GSG1L: variants seen among roughly 807,000 people sequenced by gnomAD.
GSG1L encodes GSG1 like.
In GSG1L, 24 loss-of-function variants were observed where a neutral mutation model predicts 42.1. The observed-to-expected ratio is 0.57, with a 90% CI of 0.41 to 0.80. GSG1L has a LOEUF of 0.80. GSG1L is among the 30% of genes least tolerant of loss of function. The pLI, the probability that GSG1L is intolerant of heterozygous loss-of-function variation, is 0.00. For synonymous variants in GSG1L, 215 were observed against 203.5 expected, an observed-to-expected ratio of 1.06 and a Z score of -0.48; for missense variants, 445 against 472.2, an observed-to-expected ratio of 0.94 and a Z score of 0.53.
chr16:27,863,734 C>T (rs918010226), intron 3 of GSG1L, among the ~76,000 whole-genome samples: 9 of 152,312 alleles, frequency 5.9e-5, no homozygotes, highest in Admixed American at 4.6e-4. Flanking sequence ...GCCCAAGTTC[C>T]TTATACTGGG....
chr16:27,803,808 TAG>T (rs1555500732), intron 6 of GSG1L, among the ~76,000 whole-genome samples: 2 of 143,236 alleles, frequency 1.4e-5, no homozygotes, highest in African/African-American at 5.4e-5. Context: ...TAGATAGATA[TAG>T]ATATAGATAT....
chr16:28,043,291 C>A (rs770685537), intron 1 of GSG1L, among the ~76,000 whole-genome samples: 5 of 152,142 alleles, frequency 3.3e-5, no homozygotes, highest in Non-Finnish European at 5.9e-5. Flanking sequence ...TCTCTCAGGC[C>A]AGGCAAAGGC....
At chr16:27,879,222 T>TAATG in intron 3 of GSG1L, among the ~76,000 whole-genome samples, 1 of 151,478 alleles carries the variant, frequency 6.6e-6, no homozygotes, top group Admixed American at 6.6e-5. Flanking sequence ...TGATTAATGA[T>TAATG]AATGAATGAA....
chr16:27,954,295 T>C (rs2084982650), intron 2 of GSG1L, among the ~76,000 whole-genome samples: 1 of 152,142 alleles, frequency 6.6e-6, no homozygotes, highest in South Asian at 2.1e-4. Context: ...AAAAAAAAGA[T>C]GGCAGCAACA....
intron 4 of GSG1L, among the ~76,000 whole-genome samples, chr16:27,830,618 C>T (rs541049283): frequency 1.8e-4 from 28 of 152,256 alleles, no homozygotes; most frequent in Admixed American, 6.5e-4. Flanking sequence ...GATATCAGCC[C>T]GGCCCCTCTA....
intron 4 of GSG1L, among the ~76,000 whole-genome samples, chr16:27,833,441 T>G (rs1288781780): frequency 6.6e-6 from 1 of 152,190 alleles, no homozygotes; most frequent in African/African-American, 2.4e-5. Context: ...TCATCCTGCC[T>G]TATTCTTCTT....
chr16:27,982,544 T>C (rs1732725846), intron 1 of GSG1L, among the ~76,000 whole-genome samples: 1 of 152,180 alleles, frequency 6.6e-6, no homozygotes, highest in Non-Finnish European at 1.5e-5. Flanking sequence ...AATGGAACAA[T>C]TTGGAAGTTG....
At chr16:27,826,289 T>C (rs114804271) in intron 5 of GSG1L, among the ~76,000 whole-genome samples, 6,658 of 152,182 alleles carry the variant, frequency 0.044, 461 homozygotes, top group African/African-American at 0.15. Context: ...CCTCACCCCA[T>C]GCGCTGCCAT....
chr16:28,023,128 C>A (rs1436153341), intron 1 of GSG1L, among the ~76,000 whole-genome samples: 1 of 152,122 alleles, frequency 6.6e-6, no homozygotes. Flanking sequence ...CACAGCTGGC[C>A]AGTATACATA....
chr16:27,997,539 C>T (rs1314339009), intron 1 of GSG1L, among the ~76,000 whole-genome samples: 3 of 151,814 alleles, frequency 2.0e-5, no homozygotes, highest in African/African-American at 7.3e-5. Context: ...CCAGGATAAC[C>T]TCCCATATCA....
At chr16:27,936,587 C>T (rs558429714) in intron 2 of GSG1L, among the ~76,000 whole-genome samples, 5 of 152,276 alleles carry the variant, frequency 3.3e-5, no homozygotes, top group African/African-American at 1.2e-4. Flanking sequence ...GCCTGCAGAA[C>T]CATGAGCCAA....
chr16:27,958,447 T>C (rs1463061666), intron 2 of GSG1L, among the ~76,000 whole-genome samples: 1 of 150,230 alleles, frequency 6.7e-6, no homozygotes, highest in East Asian at 2.0e-4. Context: ...ACTATATCAG[T>C]CATCATGCGA....
Position 27,828,829 on chromosome 16 carries a change from T to A in GSG1L, c.790A>T (p.Thr264Ser), listed in dbSNP as rs2083243762. ...VFEQGYREEP[T>S]FIDPEAIKYF... ...TTGATGGCCTCAGGGTCTATGAAGG[T>A]CGGCTCTTCCCGGTAGCCCTGCTCA... is the stretch of plus-strand genomic sequence containing the variant. Residue 264 changes from threonine to serine, a missense_variant, in exon 5 of 7, where the codon ACC (threonine) becomes TCC (serine). Thr to Ser is a moderately conservative substitution (Grantham distance 58). Around this residue, in one of 3 missense-constraint regions of GSG1L, gnomAD observed 140 missense variants for 120.6 expected, o/e 1.16. Transcript: ENST00000447459. 7 of 1,614,112 alleles carry A rather than the reference T, an allele frequency of 4.3e-6. No individual in the cohort carries two copies. The highest frequency in any genetic ancestry group is 5.9e-6 in the Non-Finnish European group (7 of 1,179,996).
At chr16:27,971,659 G>A (rs1406162072) in intron 1 of GSG1L, among the ~76,000 whole-genome samples, 1 of 151,866 alleles carries the variant, frequency 6.6e-6, no homozygotes, top group East Asian at 1.9e-4. Flanking sequence ...AATTGCTTTG[G>A]CTAAAATGTC....
chr16:28,028,548 A>C (rs755274815), intron 1 of GSG1L, among the ~76,000 whole-genome samples: 2 of 152,056 alleles, frequency 1.3e-5, no homozygotes, highest in Non-Finnish European at 2.9e-5. Flanking sequence ...CACTCATTGC[A>C]TGGCCAACAG....
chr16:27,951,040 T>C (rs2084945670), intron 2 of GSG1L, among the ~76,000 whole-genome samples: 1 of 152,122 alleles, frequency 6.6e-6, no homozygotes, highest in Non-Finnish European at 1.5e-5. Context: ...CCTCCCTGCC[T>C]TATTTCCTGA....
intron 1 of GSG1L, among the ~76,000 whole-genome samples, chr16:28,049,686 CAAA>C (rs34371458): frequency 1.2e-4 from 15 of 122,282 alleles, no homozygotes; most frequent in South Asian, 2.5e-4. Context: ...GACCCTGTCT[CAAA>C]AAAAAAAAAA....
chr16:27,895,265 A>G (rs540856962), intron 2 of GSG1L, among the ~76,000 whole-genome samples: 197 of 152,246 alleles, frequency 1.3e-3, no homozygotes, highest in African/African-American at 4.6e-3. Context: ...ACAATACTGG[A>G]ACTGCATCAT....
At chr16:27,797,539 AGG>A (rs773640809) in intron 6 of GSG1L, among the ~76,000 whole-genome samples, 3 of 100,420 alleles carry the variant, frequency 3.0e-5, no homozygotes, top group African/African-American at 4.2e-5. Flanking sequence ...AAAAAAAAAA[AGG>A]GCCGGGCGCG....
Sources: gnomAD v4.1 joint callset for allele counts (sites outside exome capture counted in the v4.1 genomes callset) on GRCh38, gnomAD v4.1.1 for gene constraint, gnomAD v4.1.1 regional missense constraint, MANE v1.5 for transcripts, NCBI Gene and HGNC (gene_info 2026-07-23, HGNC 2026-07-21) for gene names.